Variants in SLC9A4 observed in about 807,000 individuals in gnomAD.
SLC9A4 encodes sodium/hydrogen exchanger 4.
SLC9A4 carries 63 observed loss-of-function variants against 67.4 expected under a neutral mutation model. That is an observed-to-expected ratio of 0.93 (90% CI 0.76 to 1.15). The LOEUF is 1.15. Among genes scored for constraint, SLC9A4 ranks in the 50% most tolerant of loss-of-function variants. The pLI is 0.00. For missense variants in SLC9A4, 1,089 were observed against 987.7 expected, an observed-to-expected ratio of 1.10 and a Z score of -1.38; for synonymous variants, 393 against 367.2, an observed-to-expected ratio of 1.07 and a Z score of -0.80.
intron 9 of SLC9A4, among the ~76,000 whole-genome samples, chr2:102,522,872 G>T (rs878917277): frequency 1.8e-4 from 28 of 152,132 alleles, no homozygotes; most frequent in Admixed American, 1.8e-3. Context: ...CTGTTAATTT[G>T]CCAAAAGTGG....
chr2:102,490,059 T>C (rs1445785918), intron 2 of SLC9A4, among the ~76,000 whole-genome samples: 2 of 152,218 alleles, frequency 1.3e-5, no homozygotes. Flanking sequence ...GGAAAGATCA[T>C]TCTTATTGTA....
chr2:102,524,414 G>C (rs1674614913), intron 9 of SLC9A4, among the ~76,000 whole-genome samples: 1 of 152,170 alleles, frequency 6.6e-6, no homozygotes, highest in Non-Finnish European at 1.5e-5. Context: ...CACTGGTCTG[G>C]GGTAAAGGAC....
At chr2:102,512,091 T>C (rs1445040442) in intron 6 of SLC9A4, 112 bp from the exon 7 acceptor site, 4 of 1,063,566 alleles carry the variant, frequency 3.8e-6, no homozygotes, top group Non-Finnish European at 5.6e-6. Context: ...GAAAGTCAGA[T>C]AGGCTCCAGA....
At chr2:102,495,807 C>T (rs1321416677) in intron 2 of SLC9A4, among the ~76,000 whole-genome samples, 1 of 152,014 alleles carries the variant, frequency 6.6e-6, no homozygotes, top group Non-Finnish European at 1.5e-5. Flanking sequence ...CTCTGGTATC[C>T]ATGTGGAAAA....
At chr2:102,511,884 A>T (rs1330087480) in intron 6 of SLC9A4, among the ~76,000 whole-genome samples, 2 of 151,958 alleles carry the variant, frequency 1.3e-5, no homozygotes, top group African/African-American at 4.8e-5. Context: ...TTATCCTCCG[A>T]GTGATTTCAG....
chr2:102,491,066 G>GA (rs1406312793), intron 2 of SLC9A4, among the ~76,000 whole-genome samples: 4 of 151,948 alleles, frequency 2.6e-5, no homozygotes, highest in South Asian at 2.1e-4. Context: ...TCTTTCTTGA[G>GA]AAAAAAACAA....
rs79755313 is a variant in SLC9A4, at chr2:102,476,969, T to C, written c.257-1870T>C. ...TGAAAGTGGGGATGGTATTCCTTGGTGATAATTATACCCTGTTGTGTTAAC... is the reference window on the plus strand; with the variant it reads ...TGAAAGTGGGGATGGTATTCCTTGGCGATAATTATACCCTGTTGTGTTAAC... On this transcript the variant is annotated intron_variant, in intron 1 of 11. Coordinates refer to ENST00000295269, the MANE Select transcript of SLC9A4 (RefSeq NM_001011552.4). Among the ~76,000 whole-genome samples, 318 of 152,346 alleles carry C rather than the reference T, an allele frequency of 2.1e-3. 1 individual carries two copies. The highest frequency in any genetic ancestry group is 3.8e-3 in the Non-Finnish European group (261 of 68,030).
At chr2:102,516,186 C>A (rs1371486213) in intron 8 of SLC9A4, among the ~76,000 whole-genome samples, 1 of 152,018 alleles carries the variant, frequency 6.6e-6, no homozygotes, top group Non-Finnish European at 1.5e-5. Flanking sequence ...GGAGTGGGGG[C>A]CTGCCGGTTA....
intron 1 of SLC9A4, among the ~76,000 whole-genome samples, chr2:102,477,750 A>G (rs1464237510): frequency 6.6e-6 from 1 of 152,178 alleles, no homozygotes; most frequent in South Asian, 2.1e-4. Flanking sequence ...AAGACAAGTA[A>G]TAGGCCTTCA....
At chr2:102,523,652 G>A (rs1674596512) in intron 9 of SLC9A4, among the ~76,000 whole-genome samples, 1 of 152,180 alleles carries the variant, frequency 6.6e-6, no homozygotes, top group Non-Finnish European at 1.5e-5. Flanking sequence ...ACATGACCTG[G>A]AAAATGGAGC....
intron 11 of SLC9A4, among the ~76,000 whole-genome samples, chr2:102,526,863 TA>T (rs1315460023): frequency 6.6e-6 from 1 of 152,216 alleles, no homozygotes; most frequent in Non-Finnish European, 1.5e-5. Flanking sequence ...GAAACTTTAT[TA>T]TTCTAATAAA....
chr2:102,522,608 T>C (rs1685451783), intron 9 of SLC9A4, among the ~76,000 whole-genome samples: 1 of 152,118 alleles, frequency 6.6e-6, no homozygotes, highest in South Asian at 2.1e-4. Flanking sequence ...ATTGTATGTA[T>C]ACAAACATGC....
At chr2:102,488,610 G>T (rs555241342) in intron 2 of SLC9A4, among the ~76,000 whole-genome samples, 1 of 149,246 alleles carries the variant, frequency 6.7e-6, no homozygotes, top group Non-Finnish European at 1.5e-5. Context: ...GTGCAGTGGC[G>T]CGATCTCAGC....
intron 2 of SLC9A4, among the ~76,000 whole-genome samples, chr2:102,493,772 C>G (rs1684752585): frequency 6.6e-6 from 1 of 151,906 alleles, no homozygotes; most frequent in African/African-American, 2.4e-5. Context: ...CATGGTCCCT[C>G]ATTGTCCCTT....
intron 7 of SLC9A4, 88 bp from the exon 8 acceptor site, chr2:102,514,002 A>C (rs1685221648): frequency 6.6e-7 from 1 of 1,504,492 alleles, no homozygotes; most frequent in African/African-American, 1.4e-5. Context: ...AAAGTTAAGT[A>C]GTAAGTAGTT....
At chr2:102,518,048 C>A (rs1285295868) in intron 8 of SLC9A4, among the ~76,000 whole-genome samples, 1 of 152,190 alleles carries the variant, frequency 6.6e-6, no homozygotes, top group Non-Finnish European at 1.5e-5. Context: ...CCAAGGGAAT[C>A]AATTCTGTAG....
In SLC9A4 at chr2:102,508,241, C is replaced by G. The variant is rs764297461; in HGVS notation, c.1361C>G (p.Thr454Ser). ...TTTCCTAGGAAGAAAATGTTTGTCACTGCTACTCTAGTAGTTATATACTTT... is the reference window on the plus strand; with the variant it reads ...TTTCCTAGGAAGAAAATGTTTGTCAGTGCTACTCTAGTAGTTATATACTTT... ...SLFPRKKMFV[T>S]ATLVVIYFTV... The change falls in exon 5 of 12, where the codon ACT (threonine) becomes AGT (serine). Residue 454 changes from threonine to serine, a missense_variant. Thr to Ser is a moderately conservative substitution (Grantham distance 58, BLOSUM62 1). Coordinates refer to ENST00000295269, the MANE Select transcript of SLC9A4 (RefSeq NM_001011552.4). 1 of 1,614,080 alleles carries G rather than the reference C, an allele frequency of 6.2e-7. No individual in the cohort carries two copies. The highest frequency in any genetic ancestry group is 8.5e-7 in the Non-Finnish European group (1 of 1,179,996).
At chr2:102,510,059 A>C (rs776473306) in intron 6 of SLC9A4, among the ~76,000 whole-genome samples, 1 of 151,538 alleles carries the variant, frequency 6.6e-6, no homozygotes, top group Non-Finnish European at 1.5e-5. Flanking sequence ...TAATTTTATC[A>C]GTCTATTTCT....
At chr2:102,513,690 T>C (rs1040007389) in intron 7 of SLC9A4, among the ~76,000 whole-genome samples, 2 of 152,230 alleles carry the variant, frequency 1.3e-5, no homozygotes, top group Non-Finnish European at 2.9e-5. Context: ...TTACTGTAAG[T>C]GCAGCTGCCG....
Sources: allele counts gnomAD v4.1 joint callset (sites outside exome capture counted in the v4.1 genomes callset), GRCh38; gene constraint gnomAD v4.1.1; transcripts MANE v1.5; gene names NCBI Gene and HGNC (gene_info 2026-07-23, HGNC 2026-07-21).